Variants in PIBF1 observed in about 807,000 individuals in gnomAD.
PIBF1 encodes progesterone immunomodulatory binding factor 1, also known as progesterone-induced-blocking factor 1.
In PIBF1, 90 loss-of-function variants were observed where a neutral mutation model predicts 112.5. The ratio of observed to expected loss-of-function variants is 0.80; its 90% CI spans 0.67 to 0.95. The LOEUF (loss-of-function observed/expected upper bound fraction) is 0.95. PIBF1 is among the 40% of genes least tolerant of loss of function. The probability of loss-of-function intolerance (pLI) is 0.00; values close to 1 mark genes in which losing one functional copy is unlikely to be tolerated. For synonymous variants in PIBF1, 301 were observed against 288.6 expected (o/e 1.04, Z -0.44); for missense variants, 915 against 852.3 (o/e 1.07, Z -0.92).
intron 14 of PIBF1, among the ~76,000 whole-genome samples, chr13:72,954,524 T>C (rs1171309582): frequency 6.6e-6 from 1 of 152,262 alleles, no homozygotes; most frequent in Admixed American, 6.5e-5. Flanking sequence ...CCATCCCCGC[T>C]GGAATCTGGT....
At chr13:72,868,437 G>A (rs1339851318) in intron 10 of PIBF1, among the ~76,000 whole-genome samples, 1 of 152,064 alleles carries the variant, frequency 6.6e-6, no homozygotes. Context: ...AGGTACTCAC[G>A]TACCTGTAAA....
At chr13:73,010,805 C>CTTCTCTTTTTTTTTTTTTT (rs1396150238) in intron 17 of PIBF1, among the ~76,000 whole-genome samples, 1 of 52,594 alleles carries the variant, frequency 1.9e-5, no homozygotes, top group Non-Finnish European at 3.5e-5. Flanking sequence ...AAATCATTAA[C>CTTCTCTTTTTTTTTTTTTT]TTTTCTTTTT....
At chr13:72,844,877 C>T (rs888120904) in intron 9 of PIBF1, among the ~76,000 whole-genome samples, 1 of 149,382 alleles carries the variant, frequency 6.7e-6, no homozygotes, top group Non-Finnish European at 1.5e-5. Flanking sequence ...CGACCTCAGC[C>T]TCCCAAAGTG....
chr13:72,946,482 C>A (rs983478926), intron 14 of PIBF1, among the ~76,000 whole-genome samples: 1 of 152,166 alleles, frequency 6.6e-6, no homozygotes, highest in Non-Finnish European at 1.5e-5. Context: ...TTTCAAAACA[C>A]AATCATGCCT....
At chr13:72,879,797 G>A (rs2138487134) in intron 10 of PIBF1, among the ~76,000 whole-genome samples, 1 of 151,876 alleles carries the variant, frequency 6.6e-6, no homozygotes, top group African/African-American at 2.4e-5. Flanking sequence ...TTATGAGGGG[G>A]AAATAAAAAT....
intron 2 of PIBF1, among the ~76,000 whole-genome samples, chr13:72,787,779 C>T (rs2034681807): frequency 1.3e-5 from 2 of 152,150 alleles, no homozygotes; most frequent in Admixed American, 1.3e-4. Context: ...GTGCCTCAGC[C>T]TCCCGAGTAG....
At chr13:72,901,688 G>GAA (rs879492655) in intron 11 of PIBF1, among the ~76,000 whole-genome samples, 10 of 140,400 alleles carry the variant, frequency 7.1e-5, no homozygotes, top group Admixed American at 2.2e-4. Context: ...TCCTTCTCAA[G>GAA]AAAAAAAAAA....
intron 14 of PIBF1, among the ~76,000 whole-genome samples, chr13:72,955,810 T>C (rs2042429712): frequency 6.6e-6 from 1 of 152,202 alleles, no homozygotes; most frequent in African/African-American, 2.4e-5. Flanking sequence ...TTTGGACTCA[T>C]TACAAGTCCC....
chr13:72,991,744 A>C lies in PIBF1; in HGVS notation c.2050-7078A>C, dbSNP rs1314841551. Among the ~76,000 whole-genome samples the C allele has an allele frequency of 5.4e-5, 8 of 147,018 alleles. No homozygotes were observed. The Admixed American group carries it at 5.5e-4, about 10-fold the overall frequency. On this transcript the variant is annotated intron_variant, in intron 16 of 17. Coordinates refer to ENST00000326291, the MANE Select transcript of PIBF1 (RefSeq NM_006346.4). ...ATTTTTTTTTTTTTTTTTTAGATGG[A>C]GTCTCGCTCTGTCGCCCAGGCTGGA...
chr13:72,828,594 A>G (rs2036941737), intron 8 of PIBF1, among the ~76,000 whole-genome samples: 1 of 152,168 alleles, frequency 6.6e-6, no homozygotes, highest in African/African-American at 2.4e-5. Flanking sequence ...TGTCCCTGCA[A>G]AGGACATGAA....
At chr13:72,980,953 G>A (rs1272922112) in intron 16 of PIBF1, among the ~76,000 whole-genome samples, 1 of 151,394 alleles carries the variant, frequency 6.6e-6, no homozygotes, top group Non-Finnish European at 1.5e-5. Context: ...GAGATCAAGA[G>A]CTTTTGCTGA....
At chr13:72,785,844 G>A (rs2034570632) in intron 2 of PIBF1, among the ~76,000 whole-genome samples, 1 of 152,100 alleles carries the variant, frequency 6.6e-6, no homozygotes, top group Non-Finnish European at 1.5e-5. Context: ...GCCACCTCTT[G>A]TATTATTTGT....
chr13:72,835,380 A>G lies in PIBF1; in HGVS notation c.1223+12A>G. On this transcript the variant is annotated intron_variant, in intron 9 of 17. Coordinates refer to ENST00000326291, the MANE Select transcript of PIBF1 (RefSeq NM_006346.4). The stretch of plus-strand genomic sequence containing the variant: ...GAACGAGAAAACAGGTAAAAAAAAA[A>G]AAATGCTTGTATGGTATTTTATTTA... 1.3e-6 allele frequency: 2 copies of G among 1,556,102 alleles called. No homozygotes were observed. Among genetic ancestry groups the G allele is most frequent in the East Asian group, 2.3e-5 (1 of 43,376 alleles).
At chr13:72,808,351 T>G (rs1042424621) in intron 5 of PIBF1, among the ~76,000 whole-genome samples, 2 of 152,242 alleles carry the variant, frequency 1.3e-5, no homozygotes, top group African/African-American at 4.8e-5. Flanking sequence ...GGAGTTGATC[T>G]CTGTTGATTG....
chr13:72,867,662 A>G (rs984876443), intron 10 of PIBF1, among the ~76,000 whole-genome samples: 3 of 152,170 alleles, frequency 2.0e-5, no homozygotes, highest in Non-Finnish European at 4.4e-5. Context: ...AACTCATTCA[A>G]TTGGGATTTT....
At chr13:72,893,572 T>G (rs1380204607) in intron 10 of PIBF1, among the ~76,000 whole-genome samples, 1 of 152,068 alleles carries the variant, frequency 6.6e-6, no homozygotes, top group Non-Finnish European at 1.5e-5. Context: ...AAAATAAGGG[T>G]AGAATGGTGA....
chr13:72,955,401 A>G (rs896638881), intron 14 of PIBF1, among the ~76,000 whole-genome samples: 7 of 147,568 alleles, frequency 4.7e-5, no homozygotes, highest in Non-Finnish European at 7.6e-5. Context: ...GTGTGTGTGT[A>G]TGTGCACATT....
Position 72,917,137 on chromosome 13 carries a change from C to A in PIBF1, c.1701C>A (p.Pro567=). Residue 567 remains proline (P), a synonymous_variant, in exon 13 of 18, where the codon CCC becomes CCA. Transcript: ENST00000326291. ...LFSYGYGANV[P]TTAKRRLKQS... ...CCTACGGCTATGGTGCTAATGTTCC[C>A]ACAACAGCCAAAAGACGACTAAAGC... The A allele has an allele frequency of 6.3e-7, 1 of 1,590,662 alleles. No individual in the cohort carries two copies.
Position 72,936,985 on chromosome 13 carries a change from A to G in PIBF1, c.1833+5718A>G, listed in dbSNP as rs189749951. ...ACTATTATTTTTTAGTTTTCACTGT[A>G]TAACTAAAAACTGTCAACTGTTTGA... On this transcript the variant is annotated intron_variant, in intron 14 of 17. Transcript: ENST00000326291. 1.9e-3 allele frequency among the ~76,000 whole-genome samples: 290 copies of G among 152,278 alleles called. 2 individuals carry two copies. The highest frequency in any genetic ancestry group is 3.6e-3 in the Non-Finnish European group (247 of 68,028).
Sources: allele counts gnomAD v4.1 joint callset (sites outside exome capture counted in the v4.1 genomes callset), GRCh38; gene constraint gnomAD v4.1.1; transcripts MANE v1.5; gene names NCBI Gene and HGNC (gene_info 2026-07-23, HGNC 2026-07-21).